Variants in PLCB1 observed in about 807,000 individuals in gnomAD.
PLCB1 encodes the protein 1-phosphatidylinositol 4,5-bisphosphate phosphodiesterase beta-1.
In PLCB1, 46 loss-of-function variants were observed where a neutral mutation model predicts 161.8. That is an observed-to-expected ratio of 0.28 (90% CI 0.22 to 0.36). PLCB1 has a LOEUF of 0.36. Among genes scored for constraint, PLCB1 ranks in the 10% least tolerant of loss-of-function variants. The pLI is 1.00. For synonymous variants in PLCB1, 517 were observed against 503.7 expected, an observed-to-expected ratio of 1.03 and a Z score of -0.35; for missense variants, 1,016 against 1,472.5, an observed-to-expected ratio of 0.69 and a Z score of 5.07.
chr20:8,833,824 C>A (rs1356427875), intron 31 of PLCB1, among the ~76,000 whole-genome samples: 2 of 152,202 alleles, frequency 1.3e-5, no homozygotes, highest in African/African-American at 2.4e-5. Flanking sequence ...TCCATTTATT[C>A]ATACCTTCCC....
chr20:8,817,484 G>A (rs943173276), intron 31 of PLCB1, among the ~76,000 whole-genome samples: 2 of 152,114 alleles, frequency 1.3e-5, no homozygotes, highest in Non-Finnish European at 2.9e-5. Flanking sequence ...CAGACTGAAG[G>A]GCCAAACTGA....
intron 23 of PLCB1, among the ~76,000 whole-genome samples, chr20:8,748,509 A>T (rs1342520292): frequency 6.6e-6 from 1 of 152,196 alleles, no homozygotes; most frequent in Non-Finnish European, 1.5e-5. Flanking sequence ...AATGGATTCT[A>T]ATGAGGGGCT....
At chr20:8,432,249 A>G (rs796426) in intron 3 of PLCB1, among the ~76,000 whole-genome samples, 88,796 of 151,930 alleles carry the variant, frequency 0.58, 26,241 homozygotes, top group East Asian at 0.71. Context: ...CTGAAGATTG[A>G]ATCCCAGGTT....
chr20:8,817,881 C>G (rs929423931), intron 31 of PLCB1, among the ~76,000 whole-genome samples: 1 of 152,022 alleles, frequency 6.6e-6, no homozygotes, highest in East Asian at 1.9e-4. Context: ...CTAAAAAAAG[C>G]GATGAAGCAC....
intron 2 of PLCB1, among the ~76,000 whole-genome samples, chr20:8,196,163 C>A (rs59108492): frequency 2.6e-5 from 4 of 152,096 alleles, no homozygotes; most frequent in African/African-American, 9.7e-5. Flanking sequence ...TATGACAACT[C>A]AAGGTGAGAT....
rs547687535 is a variant in PLCB1, at chr20:8,308,415, G to A, written c.178-62967G>A. The stretch of plus-strand genomic sequence containing the variant: ...GCGGATCACCTGAGGTCAGGAGTTC[G>A]AGACCAGCCTGGCCAACATGGTGAA... On this transcript the variant is annotated intron_variant, in intron 2 of 31. Transcript: ENST00000338037. 3.6e-4 allele frequency among the ~76,000 whole-genome samples: 54 copies of A among 151,624 alleles called. 1 individual carries two copies. The highest frequency in any genetic ancestry group is 1.2e-3 in the African/African-American group (49 of 41,376).
chr20:8,201,780 A>G (rs980544021), intron 2 of PLCB1, among the ~76,000 whole-genome samples: 2 of 152,226 alleles, frequency 1.3e-5, no homozygotes, highest in Non-Finnish European at 2.9e-5. Context: ...TTTCAGCTTT[A>G]CAATCAATGA....
chr20:8,548,171 CTT>C (rs1985627318), intron 3 of PLCB1, among the ~76,000 whole-genome samples: 1 of 144,890 alleles, frequency 6.9e-6, no homozygotes. Flanking sequence ...TCTTTTTTTC[CTT>C]TCTCACCATT....
In PLCB1 at chr20:8,662,163, T is replaced by C. The variant is rs1389467263; in HGVS notation, c.862+3459T>C. Among the ~76,000 whole-genome samples, 18 of 105,074 alleles carry C rather than the reference T, an allele frequency of 1.7e-4. 1 individual carries two copies. The highest frequency in any genetic ancestry group is 7.1e-4 in the African/African-American group (18 of 25,520). 68.9% of individuals were successfully genotyped at this position (105,074 alleles called of 152,430 possible). A position where few individuals can be genotyped will look rare whatever the true frequency, so the allele number is the denominator to read the frequency against. Reference sequence around the variant, plus strand: ...CTATATTAAATATAATTATTTATTATCTAATTCTATATTATATATAATTAT... The same window carrying C: ...CTATATTAAATATAATTATTTATTACCTAATTCTATATTATATATAATTAT... On this transcript the variant is annotated intron_variant, in intron 9 of 31. Transcript: ENST00000338037.
chr20:8,344,269 T>A (rs1340603981), intron 2 of PLCB1, among the ~76,000 whole-genome samples: 1 of 152,216 alleles, frequency 6.6e-6, no homozygotes, highest in African/African-American at 2.4e-5. Flanking sequence ...GCTTCCAGCT[T>A]TACTAACCAA....
At chr20:8,210,257 A>G (rs1413724682) in intron 2 of PLCB1, among the ~76,000 whole-genome samples, 1 of 152,130 alleles carries the variant, frequency 6.6e-6, no homozygotes, top group African/African-American at 2.4e-5. Flanking sequence ...TTTCTTTTTC[A>G]TAAATGTACA....
chr20:8,198,739 G>A (rs2052056538), intron 2 of PLCB1, among the ~76,000 whole-genome samples: 1 of 152,040 alleles, frequency 6.6e-6, no homozygotes, highest in African/African-American at 2.4e-5. Flanking sequence ...CTAATGGCTG[G>A]TTTCTCAGCT....
At chr20:8,276,101 A>T (rs1982531159) in intron 2 of PLCB1, among the ~76,000 whole-genome samples, 1 of 152,210 alleles carries the variant, frequency 6.6e-6, no homozygotes, top group South Asian at 2.1e-4. Context: ...AAACCCCAGC[A>T]TCTTTACTAT....
intron 3 of PLCB1, among the ~76,000 whole-genome samples, chr20:8,417,817 T>A (rs1315134490): frequency 6.6e-6 from 1 of 152,222 alleles, no homozygotes; most frequent in African/African-American, 2.4e-5. Flanking sequence ...AATGTCCATC[T>A]TGTACTTGTG....
At chr20:8,407,987 A>T (rs1978860870) in intron 3 of PLCB1, among the ~76,000 whole-genome samples, 2 of 152,226 alleles carry the variant, frequency 1.3e-5, no homozygotes, top group African/African-American at 4.8e-5. Flanking sequence ...GTAAGAAGGC[A>T]TGATGAGTAA....
At chr20:8,133,411 G>A (rs1445970651) in intron 1 of PLCB1, among the ~76,000 whole-genome samples, 2 of 152,088 alleles carry the variant, frequency 1.3e-5, no homozygotes, top group Non-Finnish European at 2.9e-5. Context: ...GGGCCTGCAG[G>A]CAAGTGGGGA....
chr20:8,147,813 A>C (rs941049369), intron 1 of PLCB1, among the ~76,000 whole-genome samples: 2 of 152,122 alleles, frequency 1.3e-5, no homozygotes, highest in African/African-American at 4.8e-5. Flanking sequence ...CTAGAAATGG[A>C]AGTATCTGAA....
chr20:8,289,537 C>T (rs1278310048), intron 2 of PLCB1, among the ~76,000 whole-genome samples: 2 of 152,090 alleles, frequency 1.3e-5, no homozygotes, highest in African/African-American at 4.8e-5. Context: ...AGAGGTTAAG[C>T]CATGTGCTCA....
rs141388448 is a variant in PLCB1, at chr20:8,433,642, C to T, written c.246+62192C>T. On this transcript the variant is annotated intron_variant, in intron 3 of 31. Transcript: ENST00000338037. The stretch of plus-strand genomic sequence containing the variant: ...AAGTATTAAATAAGAAAATTTATAA[C>T]GGACATAAAAGGGAGTTGGCATAGA... 1.2e-3 allele frequency among the ~76,000 whole-genome samples: 182 copies of T among 146,840 alleles called. 18 individuals carry two copies. The highest frequency in any genetic ancestry group is 2.1e-3 in the Non-Finnish European group (139 of 66,624).
Sources: gnomAD v4.1 joint callset for allele counts (sites outside exome capture counted in the v4.1 genomes callset) on GRCh38, gnomAD v4.1.1 for gene constraint, MANE v1.5 for transcripts, NCBI Gene and HGNC (gene_info 2026-07-23, HGNC 2026-07-21) for gene names.